Variants in PCDHA1 observed in about 807,000 individuals in gnomAD.
PCDHA1 encodes protocadherin alpha 1.
A neutral mutation model predicts 61.3 loss-of-function variants in PCDHA1; 42 were observed. That is an observed-to-expected ratio of 0.69 (90% CI 0.54 to 0.89). PCDHA1 has a LOEUF of 0.89. Among genes scored for constraint, PCDHA1 ranks in the 40% least tolerant of loss-of-function variants. PCDHA1 has a pLI of 0.00. For missense variants in PCDHA1, 1,256 were observed against 1,235.3 expected (o/e 1.02, Z -0.25); for synonymous variants, 610 against 553.8 (o/e 1.10, Z -1.43).
At chr5:141,005,956 A>G (rs1272905916) in intron 3 of PCDHA1, among the ~76,000 whole-genome samples, 2 of 152,020 alleles carry the variant, frequency 1.3e-5, no homozygotes, top group Admixed American at 1.3e-4. Flanking sequence ...CTAACAAACA[A>G]CAATAAAAAA....
intron 1 of PCDHA1, chr5:140,834,431 G>C (rs2150217688): frequency 1.2e-6 from 2 of 1,611,242 alleles, no homozygotes; most frequent in Admixed American, 1.7e-5. Context: ...ATCTACTGCT[G>C]TTTATTATAA....
chr5:140,849,060 G>A lies in PCDHA1; in HGVS notation c.2394+60376G>A, dbSNP rs2150429705. On this transcript the variant is annotated intron_variant, in intron 1 of 3. Transcript: ENST00000504120. ...GGACGTGCCAACCAGCAACCAGCAG[G>A]TAAAACCTCTTGGACTTGTATTACG... The A allele has an allele frequency of 3.2e-6, 5 of 1,549,090 alleles. No individual in the cohort carries two copies. The South Asian group carries it at 5.6e-5, about 17-fold the overall frequency.
chr5:140,913,447 C>T (rs1445715185), intron 1 of PCDHA1, among the ~76,000 whole-genome samples: 5 of 152,022 alleles, frequency 3.3e-5, no homozygotes, highest in African/African-American at 9.7e-5. Context: ...TTTTCAGCTC[C>T]GATTTTATTT....
At chr5:140,909,344 C>T (rs900022411) in intron 1 of PCDHA1, among the ~76,000 whole-genome samples, 1 of 152,164 alleles carries the variant, frequency 6.6e-6, no homozygotes, top group Non-Finnish European at 1.5e-5. Context: ...TACCAGGTAC[C>T]AAGAGATGTG....
At chr5:140,809,741 A>G in intron 1 of PCDHA1, 1 of 686,580 alleles carries the variant, frequency 1.5e-6, no homozygotes, top group South Asian at 2.3e-5. Flanking sequence ...AGCAATATAT[A>G]TTGCCTTCCT....
intron 1 of PCDHA1, among the ~76,000 whole-genome samples, chr5:140,917,501 A>G (rs557906425): frequency 6.6e-6 from 1 of 152,020 alleles, no homozygotes; most frequent in East Asian, 1.9e-4. Context: ...CCAGAATGAT[A>G]TTTTCTAGGT....
chr5:140,922,577 T>A (rs155818), intron 1 of PCDHA1, among the ~76,000 whole-genome samples: 2 of 152,016 alleles, frequency 1.3e-5, no homozygotes, highest in East Asian at 1.9e-4. Flanking sequence ...AGTTGCCCTG[T>A]AGCCGCCAGT....
rs782673398 is a variant in PCDHA1, at chr5:140,875,932, C to A, written c.2394+87248C>A. ...TGCGCCTCTGGACTCTCATTTTCCTCTAGAGGGCGCTTCTGATGCGGATAT... is the reference window on the plus strand; with the variant it reads ...TGCGCCTCTGGACTCTCATTTTCCTATAGAGGGCGCTTCTGATGCGGATAT... On this transcript the variant is annotated intron_variant, in intron 1 of 3. Coordinates refer to ENST00000504120, the MANE Select transcript of PCDHA1 (RefSeq NM_018900.4). The A allele has an allele frequency of 3.1e-6, 5 of 1,614,154 alleles. No individual in the cohort carries two copies.
At chr5:140,822,826 A>G in intron 1 of PCDHA1, 3 of 1,614,232 alleles carry the variant, frequency 1.9e-6, no homozygotes, top group Non-Finnish European at 2.5e-6. Context: ...AGAGATGGCC[A>G]TAACCACCCT....
At chr5:140,983,438 C>T (rs1233600670) in intron 3 of PCDHA1, among the ~76,000 whole-genome samples, 2 of 152,224 alleles carry the variant, frequency 1.3e-5, no homozygotes, top group Non-Finnish European at 2.9e-5. Flanking sequence ...ATTGTGTCTA[C>T]TCTAATCCTC....
chr5:140,808,489 G>A, intron 1 of PCDHA1: 2 of 1,614,156 alleles, frequency 1.2e-6, no homozygotes, highest in South Asian at 2.2e-5. Flanking sequence ...GCTCGCCTTC[G>A]CTGTGGGCCA....
At chr5:140,905,620 T>G (rs1417322136) in intron 1 of PCDHA1, among the ~76,000 whole-genome samples, 2 of 152,210 alleles carry the variant, frequency 1.3e-5, no homozygotes, top group African/African-American at 4.8e-5. Context: ...ATAGATTGCT[T>G]TTGACAGTAT....
chr5:140,889,409 A>C (rs1448554315), intron 1 of PCDHA1, among the ~76,000 whole-genome samples: 5 of 152,024 alleles, frequency 3.3e-5, no homozygotes, highest in African/African-American at 1.2e-4. Context: ...TACTCGAGTC[A>C]GTTACGTAGA....
rs2150344223 is a variant in PCDHA1 at position 140,842,785 on chromosome 5, G to T, written c.2394+54101G>T. The T allele has an allele frequency of 1.1e-4, 175 of 1,594,390 alleles. 18 individuals are homozygous for T. Among genetic ancestry groups the T allele is most frequent in the Non-Finnish European group, 1.4e-4 (165 of 1,165,442 alleles). ...GAGACGCGGACGCGCAGGAGAACGCGCTGGTGTCCTACTCGCTTGTGGAGC... is the reference window on the plus strand; with the variant it reads ...GAGACGCGGACGCGCAGGAGAACGCTCTGGTGTCCTACTCGCTTGTGGAGC... On this transcript the variant is annotated intron_variant, in intron 1 of 3. Coordinates refer to ENST00000504120, the MANE Select transcript of PCDHA1 (RefSeq NM_018900.4).
At chr5:140,972,729 T>G (rs574244702) in intron 1 of PCDHA1, among the ~76,000 whole-genome samples, 47 of 147,600 alleles carry the variant, frequency 3.2e-4, no homozygotes, top group African/African-American at 1.1e-3. Context: ...AGTGGCGTAA[T>G]CCCGGCTCAC....
At chr5:140,878,899 G>T (rs1301967468) in intron 1 of PCDHA1, among the ~76,000 whole-genome samples, 2 of 152,152 alleles carry the variant, frequency 1.3e-5, no homozygotes, top group Non-Finnish European at 2.9e-5. Context: ...CTACAGGCAG[G>T]CTCCACCACT....
intron 1 of PCDHA1, chr5:140,834,139 T>C (rs1487804482): frequency 6.0e-6 from 3 of 498,162 alleles, no homozygotes; most frequent in Non-Finnish European, 7.0e-6. Flanking sequence ...ATCTGATTAA[T>C]AGTTTGTAAT....
intron 1 of PCDHA1, among the ~76,000 whole-genome samples, chr5:140,799,929 G>T (rs1762490895): frequency 6.6e-6 from 1 of 151,940 alleles, no homozygotes; most frequent in Admixed American, 6.6e-5. Flanking sequence ...GCTTCTCATT[G>T]AATTCACAGA....
At chr5:140,824,411 A>C (rs1768110610) in intron 1 of PCDHA1, 1 of 522,138 alleles carries the variant, frequency 1.9e-6, no homozygotes, top group East Asian at 3.2e-5. Context: ...TGTAAGACAT[A>C]GTTTGGAGTC....
Sources: gnomAD v4.1 joint callset for allele counts (sites outside exome capture counted in the v4.1 genomes callset) on GRCh38, gnomAD v4.1.1 for gene constraint, MANE v1.5 for transcripts, NCBI Gene and HGNC (gene_info 2026-07-23, HGNC 2026-07-21) for gene names.